The following PRSS12 variants were observed in gnomAD, a reference collection of about 807,000 sequenced individuals.
PRSS12 encodes the protein serine protease 12, also known as neurotrypsin.
In PRSS12, 85 loss-of-function variants were observed where a neutral mutation model predicts 104.4. The observed-to-expected ratio is 0.81, with a 90% CI of 0.68 to 0.98. PRSS12 has a LOEUF of 0.98. Among genes scored for constraint, PRSS12 ranks in the 50% least tolerant of loss-of-function variants. The pLI, the probability that PRSS12 is intolerant of heterozygous loss-of-function variation, is 0.00. For synonymous variants in PRSS12, 454 were observed against 425.2 expected (o/e 1.07, Z -0.83); for missense variants, 1,141 against 1,139.2 (o/e 1.00, Z -0.02).
Position 118,282,114 on chromosome 4 carries a change from C to G in PRSS12, c.2450G>C (p.Arg817Pro). The change falls in exon 13 of 13, where the codon CGC (arginine) becomes CCC (proline). Residue 817 changes from arginine (R) to proline (P), a missense_variant. Physicochemically the swap from Arg to Pro is moderately radical, Grantham distance 103. Transcript: ENST00000296498. ...GCTGTCTCCCTGGCAGCTGTCCACG[C>G]GTTTGTGTTCATGGAGGTTTCCAGC... The part of the protein sequence containing the change: ...LCAGNLHEHK[R>P]VDSCQGDSGG... 1.2e-6 allele frequency: 2 copies of G among 1,614,192 alleles called. No individual in the cohort carries two copies. Among genetic ancestry groups the G allele is most frequent in the Admixed American group, 1.7e-5 (1 of 60,030 alleles).
At chr4:118,300,813 T>C (rs1743389257) in intron 8 of PRSS12, among the ~76,000 whole-genome samples, 1 of 152,076 alleles carries the variant, frequency 6.6e-6, no homozygotes, top group Non-Finnish European at 1.5e-5. Flanking sequence ...AAAGAAATCA[T>C]TTAAAAAATA....
At chr4:118,342,952 G>C (rs1200440398) in intron 1 of PRSS12, among the ~76,000 whole-genome samples, 1 of 152,164 alleles carries the variant, frequency 6.6e-6, no homozygotes, top group Non-Finnish European at 1.5e-5. Flanking sequence ...CTAGAAAACA[G>C]GAATTCCCCA....
chr4:118,331,207 T>G (rs1723908477), intron 4 of PRSS12, among the ~76,000 whole-genome samples: 1 of 152,194 alleles, frequency 6.6e-6, no homozygotes, highest in Non-Finnish European at 1.5e-5. Context: ...GGAATGTTGA[T>G]TTTCAGACTG....
chr4:118,340,444 C>T (rs1252311212), intron 1 of PRSS12, among the ~76,000 whole-genome samples: 1 of 152,190 alleles, frequency 6.6e-6, no homozygotes, highest in Non-Finnish European at 1.5e-5. Context: ...CTAACAGTGT[C>T]CTCCACATGG....
chr4:118,308,082 A>G (rs764106316), intron 8 of PRSS12, among the ~76,000 whole-genome samples: 1 of 152,206 alleles, frequency 6.6e-6, no homozygotes, highest in African/African-American at 2.4e-5. Context: ...AGTAATTTCA[A>G]TAACTCTAGA....
chr4:118,352,852 C>A lies in PRSS12; in HGVS notation c.-132G>T, dbSNP rs1403524425. ...CCCCCTCCCGCCCCCGCACGCGGACCGCCCTCGCCTCCCCAACCTTGCCTC... is the reference window on the plus strand; with the variant it reads ...CCCCCTCCCGCCCCCGCACGCGGACAGCCCTCGCCTCCCCAACCTTGCCTC... On this transcript the variant is annotated 5_prime_UTR_variant, in exon 1 of 13. Transcript: ENST00000296498. The A allele has an allele frequency of 2.0e-6, 3 of 1,476,262 alleles. No homozygotes were observed. Among genetic ancestry groups the A allele is most frequent in the Admixed American group, 2.2e-5 (1 of 45,936 alleles). The allele number at this position is 1,476,262 out of a possible 1,614,324, so 91.4% of individuals were successfully genotyped here. A position where few individuals can be genotyped will look rare whatever the true frequency, so the allele number is the denominator to read the frequency against.
chr4:118,322,566 T>A (rs1038281790), intron 4 of PRSS12, among the ~76,000 whole-genome samples: 1 of 149,432 alleles, frequency 6.7e-6, no homozygotes. Context: ...AAAAAAAAAA[T>A]TACAATAAAT....
chr4:118,341,722 C>T (rs1046032391), intron 1 of PRSS12, among the ~76,000 whole-genome samples: 3 of 152,106 alleles, frequency 2.0e-5, no homozygotes, highest in Non-Finnish European at 2.9e-5. Flanking sequence ...AAAACTATAA[C>T]TTATTTCCTT....
intron 8 of PRSS12, among the ~76,000 whole-genome samples, chr4:118,302,324 C>A (rs1743422329): frequency 6.6e-6 from 1 of 152,074 alleles, no homozygotes. Flanking sequence ...GTATAGTTTT[C>A]TTTTTTGTGT....
At chr4:118,352,129 C>A in intron 1 of PRSS12, 90 bp downstream of exon 1, 1 of 1,552,966 alleles carries the variant, frequency 6.4e-7, no homozygotes, top group South Asian at 1.2e-5. Context: ...CACACCCCGT[C>A]ACTTTTTCCA....
intron 11 of PRSS12, among the ~76,000 whole-genome samples, chr4:118,292,412 A>G (rs1264493402): frequency 1.3e-5 from 2 of 152,198 alleles, no homozygotes; most frequent in African/African-American, 4.8e-5. Context: ...AACAAGCTAA[A>G]TGAATCTAAC....
intron 2 of PRSS12, among the ~76,000 whole-genome samples, chr4:118,336,415 C>T (rs1259441070): frequency 6.6e-6 from 1 of 152,010 alleles, no homozygotes; most frequent in Non-Finnish European, 1.5e-5. Flanking sequence ...AGGTGAAATG[C>T]TTATCTGATT....
intron 4 of PRSS12, among the ~76,000 whole-genome samples, chr4:118,321,418 T>C (rs978846369): frequency 1.3e-5 from 2 of 152,220 alleles, no homozygotes; most frequent in African/African-American, 4.8e-5. Context: ...GAGAAGTATA[T>C]GTGGACACAG....
At chr4:118,344,954 G>A (rs1724320768) in intron 1 of PRSS12, among the ~76,000 whole-genome samples, 1 of 152,128 alleles carries the variant, frequency 6.6e-6, no homozygotes, top group South Asian at 2.1e-4. Flanking sequence ...ATAGCAGTGA[G>A]TGATGAAATT....
intron 1 of PRSS12, among the ~76,000 whole-genome samples, chr4:118,351,357 A>C (rs564610373): frequency 3.9e-5 from 6 of 152,292 alleles, no homozygotes; most frequent in African/African-American, 1.4e-4. Flanking sequence ...CAAAAAAAAA[A>C]ACCTAATTTC....
intron 3 of PRSS12, among the ~76,000 whole-genome samples, chr4:118,334,324 T>A: frequency 6.6e-6 from 1 of 151,940 alleles, no homozygotes; most frequent in South Asian, 2.1e-4. Flanking sequence ...TGAAAAAAAA[T>A]TATAATTATT....
chr4:118,323,793 T>C (rs1176392716), intron 4 of PRSS12, among the ~76,000 whole-genome samples: 1 of 151,846 alleles, frequency 6.6e-6, no homozygotes, highest in African/African-American at 2.4e-5. Context: ...TGAATAATAG[T>C]AATAACTTGT....
intron 8 of PRSS12, 141 bp from the exon 9 acceptor site, chr4:118,299,079 G>T: frequency 1.0e-6 from 1 of 967,604 alleles, no homozygotes; most frequent in Non-Finnish European, 1.6e-6. Flanking sequence ...TTTGTTTCAT[G>T]ACTGTCAAAA....
chr4:118,298,716 T>A lies in PRSS12; in HGVS notation c.1837+17A>T. The A allele has an allele frequency of 6.2e-7, 1 of 1,611,894 alleles. No homozygotes were observed. Among genetic ancestry groups the A allele is most frequent in the Non-Finnish European group, 8.5e-7 (1 of 1,177,928 alleles). On this transcript the variant is annotated intron_variant, in intron 9 of 12. Coordinates refer to ENST00000296498, the MANE Select transcript of PRSS12 (RefSeq NM_003619.4). ...TAGTATTCCTTGACTTGTTTAGGGC[T>A]CCAGAAGGTGACTTACCTTTATTAC... is the stretch of plus-strand genomic sequence containing the variant.
Sources: allele counts gnomAD v4.1 joint callset (sites outside exome capture counted in the v4.1 genomes callset), GRCh38; gene constraint gnomAD v4.1.1; transcripts MANE v1.5; gene names NCBI Gene and HGNC (gene_info 2026-07-23, HGNC 2026-07-21).